AGAP1: variants seen among roughly 807,000 people sequenced by gnomAD.
The protein encoded by AGAP1 is arf-GAP with GTPase, ANK repeat and PH domain-containing protein 1.
Under a neutral mutation model 105.3 loss-of-function variants are expected in AGAP1, and 29 were observed. The ratio of observed to expected loss-of-function variants is 0.28; its 90% CI spans 0.21 to 0.38. The LOEUF (loss-of-function observed/expected upper bound fraction) is 0.38, where lower values mean the gene tolerates loss of function less well. Ranked by LOEUF, AGAP1 falls within the 10% of genes least tolerant of loss-of-function variation. The probability of loss-of-function intolerance (pLI) is 1.00; values close to 1 mark genes in which losing one functional copy is unlikely to be tolerated. For synonymous variants in AGAP1, 509 were observed against 485.9 expected (o/e 1.05, Z -0.63); for missense variants, 998 against 1,165.1 (o/e 0.86, Z 2.09).
At chr2:235,823,183 A>T (rs1343300859) in intron 9 of AGAP1, among the ~76,000 whole-genome samples, 3 of 151,732 alleles carry the variant, frequency 2.0e-5, no homozygotes, top group African/African-American at 7.3e-5. Context: ...TATGTAACAT[A>T]TTAACATGTT....
At chr2:235,504,022 C>A (rs1480696217) in intron 1 of AGAP1, among the ~76,000 whole-genome samples, 3 of 152,216 alleles carry the variant, frequency 2.0e-5, no homozygotes, top group African/African-American at 4.8e-5. Flanking sequence ...GCTGGGACCA[C>A]AGGCACGCAC....
intron 6 of AGAP1, among the ~76,000 whole-genome samples, chr2:235,755,687 G>C (rs987400416): frequency 6.6e-6 from 1 of 152,172 alleles, no homozygotes; most frequent in African/African-American, 2.4e-5. Context: ...GTGATCCTCT[G>C]GCCTCGGCCT....
At chr2:235,497,602 C>CT (rs201086466) in intron 1 of AGAP1, among the ~76,000 whole-genome samples, 2,741 of 152,284 alleles carry the variant, frequency 0.018, 35 homozygotes, top group Non-Finnish European at 0.029. Flanking sequence ...GTGGGCACTT[C>CT]TTTTTTTGTT....
Position 235,660,062 on chromosome 2 carries a change from G to A in AGAP1, c.164-49117G>A, listed in dbSNP as rs1229353667. ...CCACCAGGCTGGCTTTTCCCAGGCA[G>A]TCACACTCTGGGATGCCCCCACCCC... On this transcript the variant is annotated intron_variant, in intron 1 of 17. Coordinates refer to ENST00000304032, the MANE Select transcript of AGAP1 (RefSeq NM_001037131.3). This position sits in a 1 kb window ranked among gnomAD's most constrained non-coding sequence, Gnocchi z 5.3. Among the ~76,000 whole-genome samples the A allele has an allele frequency of 6.6e-6, 1 of 152,224 alleles. No individual in the cohort carries two copies. Among genetic ancestry groups the A allele is most frequent in the Non-Finnish European group, 1.5e-5 (1 of 68,048 alleles).
chr2:235,496,780 G>A (rs948826357), intron 1 of AGAP1, among the ~76,000 whole-genome samples: 6 of 151,608 alleles, frequency 4.0e-5, no homozygotes. Context: ...AAAATGCGTC[G>A]TTCCTAGATG....
intron 13 of AGAP1, among the ~76,000 whole-genome samples, chr2:236,021,299 A>C (rs2056876099): frequency 1.3e-5 from 2 of 152,126 alleles, no homozygotes; most frequent in Admixed American, 1.3e-4. Flanking sequence ...AAAGGATGAC[A>C]GTCTTGGGTA....
chr2:235,562,264 T>A lies in AGAP1; in HGVS notation c.163+67415T>A, dbSNP rs117838151. On this transcript the variant is annotated intron_variant, in intron 1 of 17. Transcript: ENST00000304032. ...TAAGCAGTGTAGTCAAATCATAACA[T>A]ATTATGACTGCAATCAAGTGATTAT... 1.9e-4 allele frequency among the ~76,000 whole-genome samples: 29 copies of A among 152,232 alleles called. No homozygotes were observed. In the East Asian group the frequency reaches 5.4e-3, roughly 28 times the overall value.
chr2:235,571,601 G>A (rs906998796), intron 1 of AGAP1, among the ~76,000 whole-genome samples: 1 of 152,082 alleles, frequency 6.6e-6, no homozygotes. Flanking sequence ...CCATTTCCTT[G>A]GTTCTTTTCC....
rs1009738842 is a variant in AGAP1, at chr2:236,092,205, A to G, written c.2115-27987A>G. Among the ~76,000 whole-genome samples the G allele has an allele frequency of 4.6e-4, 70 of 152,206 alleles. No homozygotes were observed. Among genetic ancestry groups the G allele is most frequent in the African/African-American group, 1.6e-3 (65 of 41,448 alleles). On this transcript the variant is annotated intron_variant, in intron 16 of 17. Coordinates refer to ENST00000304032, the MANE Select transcript of AGAP1 (RefSeq NM_001037131.3). The surrounding 1 kb of genome is among the most constrained non-coding windows in gnomAD (Gnocchi z 4.7). ...AGGAACGTACATGTGACCAAATTGC[A>G]TTGAACCAATTCCATGGACACATAA...
chr2:235,720,813 C>G lies in AGAP1; in HGVS notation c.310+3169C>G. 1.5e-6 allele frequency: 1 copy of G among 663,148 alleles called. No individual in the cohort carries two copies. The allele number at this position is 663,148 out of a possible 1,614,324, so 41.1% of individuals were successfully genotyped here. A position where few individuals can be genotyped will look rare whatever the true frequency, so the allele number is the denominator to read the frequency against. ...GCCTTCCTGTCTTCAGGGGAGAGCTCTCTCGTGGTAGAAACATTTCTGGTG... is the reference window on the plus strand; with the variant it reads ...GCCTTCCTGTCTTCAGGGGAGAGCTGTCTCGTGGTAGAAACATTTCTGGTG... On this transcript the variant is annotated intron_variant, in intron 3 of 17. Coordinates refer to ENST00000304032, the MANE Select transcript of AGAP1 (RefSeq NM_001037131.3). This position sits in a 1 kb window ranked among gnomAD's most constrained non-coding sequence, Gnocchi z 5.0.
rs1261962488 is a variant in AGAP1, at chr2:236,121,694, T to C, written c.2370+1247T>C. ...GATACTCCCTTTTGCTCATGAGTCA[T>C]ACATGTGATGTAATGCACATTAAAT... On this transcript the variant is annotated intron_variant, in intron 17 of 17. Transcript: ENST00000304032. This position sits in a 1 kb window ranked among gnomAD's most constrained non-coding sequence, Gnocchi z 4.9. Among the ~76,000 whole-genome samples the C allele has an allele frequency of 6.6e-6, 1 of 152,200 alleles. No individual in the cohort carries two copies. The highest frequency in any genetic ancestry group is 1.5e-5 in the Non-Finnish European group (1 of 68,040).
rs1266766325 is a variant in AGAP1, at chr2:236,055,057, G to A, written c.2114+5776G>A. On this transcript the variant is annotated intron_variant, in intron 16 of 17. Transcript: ENST00000304032. This position sits in a 1 kb window ranked among gnomAD's most constrained non-coding sequence, Gnocchi z 6.2. The stretch of plus-strand genomic sequence containing the variant: ...GATTATCTTAATGTTAAATATGTCC[G>A]GCAGCAATTACTGTGACCTCCCGCT... 1.3e-5 allele frequency among the ~76,000 whole-genome samples: 2 copies of A among 152,166 alleles called. No individual in the cohort carries two copies. Among genetic ancestry groups the A allele is most frequent in the Non-Finnish European group, 2.9e-5 (2 of 68,022 alleles).
chr2:235,823,951 C>T (rs1346549062), intron 9 of AGAP1, among the ~76,000 whole-genome samples: 4 of 152,130 alleles, frequency 2.6e-5, no homozygotes, highest in Admixed American at 2.6e-4. Context: ...TGAGGCTCGC[C>T]TTGCATGATT....
chr2:235,737,017 A>G lies in AGAP1; in HGVS notation c.311-3946A>G, dbSNP rs149532662. Among the ~76,000 whole-genome samples, 972 of 152,300 alleles carry G rather than the reference A, an allele frequency of 6.4e-3. 17 individuals are homozygous for G. Among genetic ancestry groups the G allele is most frequent in the African/African-American group, 0.022 (926 of 41,554 alleles). ...CTCCTTCTGTGGTTAAAGTGGTTCA[A>G]GTGTAGAAAATGAATTTTAAAGTGT... On this transcript the variant is annotated intron_variant, in intron 3 of 17. Transcript: ENST00000304032. This position sits in a 1 kb window ranked among gnomAD's most constrained non-coding sequence, Gnocchi z 4.5.
chr2:235,546,276 C>T (rs568228824), intron 1 of AGAP1, among the ~76,000 whole-genome samples: 1 of 152,342 alleles, frequency 6.6e-6, no homozygotes, highest in South Asian at 2.1e-4. Context: ...CCCGCAGGCC[C>T]TCGGGTGCCA....
intron 9 of AGAP1, chr2:235,852,784 TG>T: frequency 6.5e-7 from 1 of 1,534,808 alleles, no homozygotes; most frequent in Admixed American, 2.0e-5. Flanking sequence ...GGCCGAGGGG[TG>T]GTCAGACCAG....
rs1033400379 is a variant in AGAP1 at position 236,114,629 on chromosome 2, C to T, written c.2115-5563C>T. 3.3e-5 allele frequency among the ~76,000 whole-genome samples: 5 copies of T among 152,156 alleles called. No individual in the cohort carries two copies. The highest frequency in any genetic ancestry group is 6.5e-5 in the Admixed American group (1 of 15,284). ...TGCCTTCTCCCTGTGTCCTGCCTTTCCTCCGGGTGTGCTCAGAGGGAGAGA... is the reference window on the plus strand; with the variant it reads ...TGCCTTCTCCCTGTGTCCTGCCTTTTCTCCGGGTGTGCTCAGAGGGAGAGA... On this transcript the variant is annotated intron_variant, in intron 16 of 17. Transcript: ENST00000304032. This position sits in a 1 kb window ranked among gnomAD's most constrained non-coding sequence, Gnocchi z 5.0.
chr2:235,603,866 C>T (rs1945823942), intron 1 of AGAP1, among the ~76,000 whole-genome samples: 2 of 151,952 alleles, frequency 1.3e-5, no homozygotes, highest in African/African-American at 4.8e-5. Flanking sequence ...TGGGTCTTAC[C>T]GCATTTGTCA....
At chr2:235,668,236 A>C (rs1164009106) in intron 1 of AGAP1, among the ~76,000 whole-genome samples, 1 of 152,172 alleles carries the variant, frequency 6.6e-6, no homozygotes, top group Non-Finnish European at 1.5e-5. Context: ...TATTTCATTA[A>C]ATCTGAATAT....
Sources: gnomAD v4.1 joint callset for allele counts (sites outside exome capture counted in the v4.1 genomes callset) on GRCh38, gnomAD v4.1.1 for gene constraint, Gnocchi (gnomAD v3.1) non-coding constraint, MANE v1.5 for transcripts, NCBI Gene and HGNC (gene_info 2026-07-23, HGNC 2026-07-21) for gene names.